NAP1L4: variants seen among roughly 807,000 people sequenced by gnomAD.
NAP1L4 encodes nucleosome assembly protein 1-like 4.
A neutral mutation model predicts 58.2 loss-of-function variants in NAP1L4; 15 were observed. The observed-to-expected ratio is 0.26, with a 90% CI of 0.17 to 0.40. The LOEUF (loss-of-function observed/expected upper bound fraction) is 0.40. Among genes scored for constraint, NAP1L4 ranks in the 10% least tolerant of loss-of-function variants. The pLI, the probability that NAP1L4 is intolerant of heterozygous loss-of-function variation, is 1.00. For missense variants in NAP1L4, 384 were observed against 451.1 expected (o/e 0.85, Z 1.35); for synonymous variants, 171 against 155.6 (o/e 1.10, Z -0.74).
chr11:2,956,937 T>G (rs967383319), intron 10 of NAP1L4, among the ~76,000 whole-genome samples: 7 of 152,212 alleles, frequency 4.6e-5, no homozygotes, highest in African/African-American at 1.2e-4. Context: ...GTATTATGTG[T>G]TTGATTACTT....
Position 2,951,940 on chromosome 11 carries a change from G to T in NAP1L4, c.1036-131C>A. 1.2e-6 allele frequency: 1 copy of T among 836,004 alleles called. No individual in the cohort carries two copies. Among genetic ancestry groups the T allele is most frequent in the Non-Finnish European group, 2.0e-6 (1 of 493,924 alleles). 51.8% of individuals were successfully genotyped at this position (836,004 alleles called of 1,614,324 possible). ...GAAAGTCCAGCCACGCTGCCTGCTG[G>T]GCCTCGCTTGCCTGAGGAGCCATTT... On this transcript the variant is annotated intron_variant, in intron 12 of 15. Transcript: ENST00000380542. This position sits in a 1 kb window ranked among gnomAD's most constrained non-coding sequence, Gnocchi z 4.0.
chr11:2,986,661 T>G (rs113209734), intron 1 of NAP1L4, among the ~76,000 whole-genome samples: 3,171 of 149,122 alleles, frequency 0.021, 119 homozygotes, highest in African/African-American at 0.074. Context: ...AGTTTCGCAC[T>G]TGTTGCCCAG....
chr11:2,983,313 A>G (rs749794854), intron 1 of NAP1L4, among the ~76,000 whole-genome samples: 10 of 152,208 alleles, frequency 6.6e-5, no homozygotes, highest in Admixed American at 3.3e-4. Flanking sequence ...AACAGAGTCC[A>G]TTGATAAAAT....
chr11:2,950,186 C>T (rs567377237), intron 14 of NAP1L4, among the ~76,000 whole-genome samples: 5 of 152,368 alleles, frequency 3.3e-5, no homozygotes, highest in East Asian at 1.9e-4. Flanking sequence ...CACGGTGCTG[C>T]GCACAGGTAC....
chr11:2,971,404 C>G lies in NAP1L4; in HGVS notation c.402+44G>C, dbSNP rs371713678. ...ATCATTAAAAAATGCTTATTTTTAACAGTATTAAAACAGAACATGAGTCAC... is the reference window on the plus strand; with the variant it reads ...ATCATTAAAAAATGCTTATTTTTAAGAGTATTAAAACAGAACATGAGTCAC... On this transcript the variant is annotated intron_variant, in intron 6 of 15. Coordinates refer to ENST00000380542, the MANE Select transcript of NAP1L4 (RefSeq NM_005969.4). The surrounding 1 kb of genome is among the most constrained non-coding windows in gnomAD (Gnocchi z 4.2). 4 of 1,514,788 alleles carry G rather than the reference C, an allele frequency of 2.6e-6. No homozygotes were observed. The highest frequency in any genetic ancestry group is 3.6e-6 in the Non-Finnish European group (4 of 1,099,414). The allele number at this position is 1,514,788 out of a possible 1,614,324, so 93.8% of individuals were successfully genotyped here.
chr11:2,958,580 C>G (rs1205052014), intron 9 of NAP1L4, 36 bp from the exon 10 acceptor site: 3 of 1,591,950 alleles, frequency 1.9e-6, no homozygotes, highest in Non-Finnish European at 2.6e-6. Context: ...AACACACAAT[C>G]CATGAGAAAA....
chr11:2,960,031 A>G (rs1846771020), intron 8 of NAP1L4, 122 bp from the exon 9 acceptor site: 3 of 1,009,570 alleles, frequency 3.0e-6, no homozygotes, highest in Non-Finnish European at 4.3e-6. Context: ...AGGGCCATGA[A>G]CAAGAAAAAC....
intron 6 of NAP1L4, among the ~76,000 whole-genome samples, chr11:2,970,333 T>C (rs148698624): frequency 3.0e-4 from 46 of 151,986 alleles, no homozygotes; most frequent in African/African-American, 1.1e-3. Flanking sequence ...CATCTAGCAC[T>C]GGGCAAAAAA....
At chr11:2,978,964 G>A (rs954567256) in intron 2 of NAP1L4, among the ~76,000 whole-genome samples, 5 of 149,828 alleles carry the variant, frequency 3.3e-5, no homozygotes, top group Admixed American at 6.6e-5. Context: ...CACCCCAGGG[G>A]TGTTAAAGCA....
chr11:2,973,812 A>C (rs1387752219), intron 4 of NAP1L4, among the ~76,000 whole-genome samples: 1 of 152,190 alleles, frequency 6.6e-6, no homozygotes, highest in Admixed American at 6.5e-5. Flanking sequence ...TCTGTTGCCC[A>C]GGCTGCAGTG....
At chr11:2,982,432 T>C (rs79795377) in intron 1 of NAP1L4, among the ~76,000 whole-genome samples, 3,254 of 152,326 alleles carry the variant, frequency 0.021, 48 homozygotes, top group Non-Finnish European at 0.033. Flanking sequence ...CTTGTTGTCA[T>C]CACCCTATCA....
intron 1 of NAP1L4, among the ~76,000 whole-genome samples, chr11:2,980,666 A>C (rs1385704528): frequency 6.6e-6 from 1 of 152,194 alleles, no homozygotes; most frequent in Non-Finnish European, 1.5e-5. Flanking sequence ...GCCAATGTTC[A>C]TTCTTCAGTA....
In NAP1L4 at chr11:2,955,856, T is replaced by C. The variant is rs1846509492; in HGVS notation, c.893-90A>G. On this transcript the variant is annotated intron_variant, in intron 10 of 15. Coordinates refer to ENST00000380542, the MANE Select transcript of NAP1L4 (RefSeq NM_005969.4). This position sits in a 1 kb window ranked among gnomAD's most constrained non-coding sequence, Gnocchi z 4.2. The stretch of plus-strand genomic sequence containing the variant: ...CACAGGAGGAAGCTGTGCTGGTAGA[T>C]AAAATGTAACATTTCTCACCTCGAG... 5 of 1,215,104 alleles carry C rather than the reference T, an allele frequency of 4.1e-6. No individual in the cohort carries two copies. In the South Asian group the frequency reaches 6.5e-5, roughly 16 times the overall value. The allele number at this position is 1,215,104 out of a possible 1,614,324, so 75.3% of individuals were successfully genotyped here.
chr11:2,962,241 A>G (rs572314051), intron 8 of NAP1L4, among the ~76,000 whole-genome samples: 1 of 152,396 alleles, frequency 6.6e-6, no homozygotes, highest in East Asian at 1.9e-4. Flanking sequence ...TCATAATGCA[A>G]CAATTTACAA....
At chr11:2,967,667 C>G (rs1320786815) in intron 7 of NAP1L4, among the ~76,000 whole-genome samples, 1 of 151,416 alleles carries the variant, frequency 6.6e-6, no homozygotes, top group African/African-American at 2.4e-5. Flanking sequence ...AATATGCTAC[C>G]ATTACCTGCT....
chr11:2,963,098 C>CAAAAAAAAAAAAAAAAAAA (rs55650724), intron 8 of NAP1L4, among the ~76,000 whole-genome samples: 2 of 97,090 alleles, frequency 2.1e-5, no homozygotes, highest in Admixed American at 1.2e-4. Flanking sequence ...GACTCGGTCT[C>CAAAAAAAAAAAAAAAAAAA]AAAAAAAAAA....
Position 2,951,609 on chromosome 11 carries a change from C to G in NAP1L4, c.1065+171G>C, listed in dbSNP as rs1464185383. Among the ~76,000 whole-genome samples, 1 of 152,184 alleles carries G rather than the reference C, an allele frequency of 6.6e-6. No homozygotes were observed. Among genetic ancestry groups the G allele is most frequent in the Admixed American group, 6.5e-5 (1 of 15,276 alleles). On this transcript the variant is annotated intron_variant, in intron 13 of 15. Transcript: ENST00000380542. This position sits in a 1 kb window ranked among gnomAD's most constrained non-coding sequence, Gnocchi z 4.0. ...GGGTCAAAAACGATGGAAACTGTCA[C>G]AGCATTTGCTATGCATTTCTGCTTA...
rs1845852812 is a variant in NAP1L4, at chr11:2,944,770, GAA to G, written c.*907_*908del. 1 of 152,220 alleles carries G rather than the reference GAA, an allele frequency of 6.6e-6. No individual in the cohort carries two copies. The highest frequency in any genetic ancestry group is 1.9e-4 in the East Asian group (1 of 5,184). 9.4% of individuals were successfully genotyped at this position (152,220 alleles called of 1,614,324 possible). A position where few individuals can be genotyped will look rare whatever the true frequency, so the allele number is the denominator to read the frequency against. On this transcript the variant is annotated 3_prime_UTR_variant, in exon 16 of 16. Transcript: ENST00000380542. ...CAGTCCCTCAGTGGAGAAGACTGCC[GAA>G]GCCCGGCTCCGGCAGCAGGGTGGCG... is the stretch of plus-strand genomic sequence containing the variant.
At chr11:2,978,693 G>T (rs1848119638) in intron 2 of NAP1L4, among the ~76,000 whole-genome samples, 1 of 152,148 alleles carries the variant, frequency 6.6e-6, no homozygotes, top group African/African-American at 2.4e-5. Context: ...GTTACTGTTT[G>T]GTCAGCTGCT....
Sources: allele counts gnomAD v4.1 joint callset (sites outside exome capture counted in the v4.1 genomes callset), GRCh38; gene constraint gnomAD v4.1.1; non-coding constraint Gnocchi (gnomAD v3.1); transcripts MANE v1.5; gene names NCBI Gene and HGNC (gene_info 2026-07-23, HGNC 2026-07-21).